Variants in ZEB2 observed in about 807,000 individuals in gnomAD.
ZEB2 encodes the protein zinc finger E-box binding homeobox 2.
A neutral mutation model predicts 99.9 loss-of-function variants in ZEB2; 6 were observed. The observed-to-expected ratio is 0.06, with a 90% CI of 0.03 to 0.12. ZEB2 has a LOEUF of 0.12. Ranked by LOEUF, ZEB2 falls within the 10% of genes least tolerant of loss-of-function variation. The pLI is 1.00. For synonymous variants in ZEB2, 517 were observed against 542.5 expected, an observed-to-expected ratio of 0.95 and a Z score of 0.65; for missense variants, 969 against 1,502.8, an observed-to-expected ratio of 0.64 and a Z score of 5.87.
In ZEB2 at chr2:144,387,520, C is replaced by T. The variant is rs1005302630; in HGVS notation, c.*1931G>A. 6.6e-6 allele frequency: 1 copy of T among 152,120 alleles called. No individual in the cohort carries two copies. Among genetic ancestry groups the T allele is most frequent in the African/African-American group, 2.4e-5 (1 of 41,432 alleles). The allele number at this position is 152,120 out of a possible 1,614,324, so 9.4% of individuals were successfully genotyped here. A position where few individuals can be genotyped will look rare whatever the true frequency, so the allele number is the denominator to read the frequency against. ...TTGCTTTTAGCTTTTCCTCTCCCAC[C>T]CACGCCTTCTAGTTTCAGATAAACG... On this transcript the variant is annotated 3_prime_UTR_variant, in exon 10 of 10. Coordinates refer to ENST00000627532, the MANE Select transcript of ZEB2 (RefSeq NM_014795.4).
chr2:144,513,367 A>G, intron 2 of ZEB2: 3 of 1,328,366 alleles, frequency 2.3e-6, no homozygotes, highest in Non-Finnish European at 3.0e-6. Context: ...TCAGAGACCA[A>G]AGGCATTTGT....
At chr2:144,484,207 G>GTGTGTGTGTGTGTGTGTGTT (rs1211131946) in intron 2 of ZEB2, among the ~76,000 whole-genome samples, 3 of 152,046 alleles carry the variant, frequency 2.0e-5, no homozygotes, top group African/African-American at 7.2e-5. Context: ...GTGTGTGTGT[G>GTGTGTGTGTGTGTGTGTGTT]TGTGTGAAAT....
In ZEB2 at chr2:144,398,289, T is replaced by G. The variant is rs1057524071; in HGVS notation, c.2886+12A>C. 5 of 1,613,094 alleles carry G rather than the reference T, an allele frequency of 3.1e-6. No individual in the cohort carries two copies. In the East Asian group the frequency reaches 8.9e-5, roughly 29 times the overall value. On this transcript the variant is annotated intron_variant, in intron 8 of 9. Transcript: ENST00000627532. ...TCTTTTCTTCATAGCAGAAAAACAT[T>G]TGTCTCTTTACCTGAAATCCTTGTT...
chr2:144,513,839 G>T (rs766816396), intron 2 of ZEB2: 6 of 1,535,014 alleles, frequency 3.9e-6, no homozygotes, highest in South Asian at 3.6e-5. Context: ...AAAGAAAAAG[G>T]GGGGCTGGGT....
chr2:144,425,335 C>A (rs1417776898), intron 3 of ZEB2, among the ~76,000 whole-genome samples: 1 of 152,158 alleles, frequency 6.6e-6, no homozygotes, highest in Non-Finnish European at 1.5e-5. Context: ...TCTATGCAAG[C>A]ATACTTTTTG....
At chr2:144,510,688 C>CTCTCTCTCTCTA (rs66501356) in intron 2 of ZEB2, among the ~76,000 whole-genome samples, 1 of 1,602 alleles carries the variant, frequency 6.2e-4, no homozygotes, top group African/African-American at 8.2e-4. Context: ...TACCCTGTGC[C>CTCTCTCTCTCTA]TCTCTCTCTC....
chr2:144,484,185 T>TTGTGTGTGTGTGTG (rs10529605), intron 2 of ZEB2, among the ~76,000 whole-genome samples: 7,041 of 142,444 alleles, frequency 0.049, 232 homozygotes, highest in Non-Finnish European at 0.063. Flanking sequence ...AAATCTGGAT[T>TTGTGTGTGTGTGTG]TGTGTGTGTG....
chr2:144,456,596 A>AT (rs1457866350), intron 2 of ZEB2, among the ~76,000 whole-genome samples: 1 of 152,096 alleles, frequency 6.6e-6, no homozygotes, highest in Non-Finnish European at 1.5e-5. Context: ...TGTAAAAAAA[A>AT]TTATGTAAAA....
chr2:144,511,625 T>A, intron 2 of ZEB2: 1 of 1,286,732 alleles, frequency 7.8e-7, no homozygotes, highest in Non-Finnish European at 1.0e-6. Context: ...AGTCATTCAA[T>A]AGATTTTCCA....
Position 144,400,049 on chromosome 2 carries a change from T to G in ZEB2, c.1138A>C (p.Ser380Arg). 6.2e-7 allele frequency: 1 copy of G among 1,613,898 alleles called. No individual in the cohort carries two copies. ...AGTAAGCCTGTCTGTTCAGACATAC[T>G]AAGTGGTTTTCCATTCTCCAACTTG... Reference protein sequence around the residue: ...RNKLENGKPLSMSEQTGLLKI... With the variant: ...RNKLENGKPLRMSEQTGLLKI... Residue 380 changes from serine (S) to arginine (R), a missense_variant, in exon 8 of 10, where the codon AGT (serine) becomes CGT (arginine). Transcript: ENST00000627532.
At chr2:144,486,244 T>G (rs1042330076) in intron 2 of ZEB2, among the ~76,000 whole-genome samples, 1 of 152,210 alleles carries the variant, frequency 6.6e-6, no homozygotes, top group Non-Finnish European at 1.5e-5. Flanking sequence ...TATTTATATC[T>G]CTCTTCTGAC....
chr2:144,478,662 G>T (rs973296030), intron 2 of ZEB2, among the ~76,000 whole-genome samples: 2 of 152,176 alleles, frequency 1.3e-5, no homozygotes, highest in African/African-American at 4.8e-5. Flanking sequence ...TGTATTCAAC[G>T]CCAATGCAAT....
chr2:144,392,215 A>C (rs1241376599), intron 9 of ZEB2, among the ~76,000 whole-genome samples: 1 of 152,198 alleles, frequency 6.6e-6, no homozygotes, highest in Non-Finnish European at 1.5e-5. Context: ...TTTGGATACT[A>C]ATGTCTCATT....
In ZEB2 at chr2:144,399,302, C is replaced by G. The variant is rs1413108582; in HGVS notation, c.1885G>C (p.Val629Leu). 6.2e-7 allele frequency: 1 copy of G among 1,614,104 alleles called. No homozygotes were observed. Among genetic ancestry groups the G allele is most frequent in the Admixed American group, 1.7e-5 (1 of 60,008 alleles). ...NIVPNKAGVF[V>L]DNKALLLSSV... is the part of the protein sequence containing the mutation. Reference sequence around the variant, plus strand: ...GACAAGAGGAGGGCTTTATTATCAACAAAAACTCCGGCTTTGTTGGGGACT... The same window carrying G: ...GACAAGAGGAGGGCTTTATTATCAAGAAAAACTCCGGCTTTGTTGGGGACT... Residue 629 changes from valine (V) to leucine (L), a missense_variant, in exon 8 of 10, where the codon GTT (valine) becomes CTT (leucine). Val to Leu is a conservative substitution (Grantham distance 32). Transcript: ENST00000627532. The surrounding 1 kb of genome is among the most constrained non-coding windows in gnomAD (Gnocchi z 5.6).
At chr2:144,394,439 A>G (rs1035942007) in intron 9 of ZEB2, 1 of 152,214 alleles carries the variant, frequency 6.6e-6, no homozygotes, top group Non-Finnish European at 1.5e-5. Context: ...AATAAAACCA[A>G]TCAGAGAGGG....
At chr2:144,412,645 T>A (rs369029185) in intron 4 of ZEB2, among the ~76,000 whole-genome samples, 2 of 152,354 alleles carry the variant, frequency 1.3e-5, no homozygotes, top group East Asian at 3.9e-4. Flanking sequence ...ACTCTACAAA[T>A]TCAATCCTCT....
At chr2:144,411,518 T>G (rs188702781) in intron 4 of ZEB2, among the ~76,000 whole-genome samples, 7 of 152,254 alleles carry the variant, frequency 4.6e-5, no homozygotes, top group Admixed American at 4.6e-4. Context: ...CCAAAAGACA[T>G]ATTGGCACTA....
Position 144,497,450 on chromosome 2 carries a change from A to G in ZEB2, c.73+19828T>C, listed in dbSNP as rs573193017. Among the ~76,000 whole-genome samples the G allele has an allele frequency of 4.9e-4, 74 of 152,320 alleles. No homozygotes were observed. In the South Asian group the frequency reaches 6.4e-3, roughly 13 times the overall value. On this transcript the variant is annotated intron_variant, in intron 2 of 9. Transcript: ENST00000627532. ...CTGTAGTTTTCTGCTGACATACCAC[A>G]GGAAGACCTAGAAAGGACCTGATGA...
At chr2:144,484,416 G>C (rs753093962) in intron 2 of ZEB2, among the ~76,000 whole-genome samples, 57 of 152,130 alleles carry the variant, frequency 3.7e-4, no homozygotes, top group Admixed American at 3.9e-4. Flanking sequence ...TGGGCCAGGA[G>C]CCCAAATTTC....
Sources: gnomAD v4.1 joint callset for allele counts (sites outside exome capture counted in the v4.1 genomes callset) on GRCh38, gnomAD v4.1.1 for gene constraint, Gnocchi (gnomAD v3.1) non-coding constraint, MANE v1.5 for transcripts, NCBI Gene and HGNC (gene_info 2026-07-23, HGNC 2026-07-21) for gene names.